Variants in AQP7B observed in about 807,000 individuals in gnomAD.
The protein encoded by AQP7B is putative aquaporin-7B.
At chr2:94,591,610 A>G in the AQP7B span, among the ~76,000 whole-genome samples, 11 of 151,850 alleles carry the variant, frequency 7.2e-5, no homozygotes, top group Non-Finnish European at 1.5e-4. Flanking sequence ...AGACTCCCTA[A>G]TGTGGGCCAT....
At chr2:94,604,603 C>G in the AQP7B span, 1 of 1,528,732 alleles carries the variant, frequency 6.5e-7, no homozygotes, top group South Asian at 1.3e-5. Context: ...CCATCCCTTC[C>G]CCAATAAAGC....
At chr2:94,589,358 G>T in the AQP7B span, among the ~76,000 whole-genome samples, 5 of 152,086 alleles carry the variant, frequency 3.3e-5, no homozygotes, top group East Asian at 9.7e-4. Context: ...GTCCTCTGGT[G>T]ACTATTCCCT....
the AQP7B span, among the ~76,000 whole-genome samples, chr2:94,602,773 G>T: frequency 6.6e-6 from 1 of 152,144 alleles, no homozygotes; most frequent in East Asian, 1.9e-4. Flanking sequence ...CCTATGACTT[G>T]TCTGCCCCAG....
the AQP7B span, among the ~76,000 whole-genome samples, chr2:94,592,812 C>CTTTTTT: frequency 3.9e-5 from 2 of 51,706 alleles, no homozygotes; most frequent in African/African-American, 6.8e-5. Context: ...ATTAATTAAG[C>CTTTTTT]TTTTTTTTTT....
At chr2:94,603,259 G>C in the AQP7B span, 4 of 1,387,664 alleles carry the variant, frequency 2.9e-6, no homozygotes, top group Non-Finnish European at 4.0e-6. Flanking sequence ...GTCCTGATTT[G>C]TAAAAAATAG....
the AQP7B span, among the ~76,000 whole-genome samples, chr2:94,599,173 G>T: frequency 1.3e-5 from 2 of 152,068 alleles, no homozygotes. Flanking sequence ...TCTGTTTTCA[G>T]ACCCTCCATG....
chr2:94,604,160 T>C, the AQP7B span: 4 of 979,180 alleles, frequency 4.1e-6, no homozygotes, highest in South Asian at 6.4e-5. Flanking sequence ...ACCAGGGCCC[T>C]GGGTTGGGGG....
chr2:94,591,314 C>A, the AQP7B span, among the ~76,000 whole-genome samples: 1 of 152,182 alleles, frequency 6.6e-6, no homozygotes, highest in Non-Finnish European at 1.5e-5. Flanking sequence ...TCTGCTGTGC[C>A]CCACGCTAGT....
At chr2:94,597,014 C>T in the AQP7B span, among the ~76,000 whole-genome samples, 1 of 152,116 alleles carries the variant, frequency 6.6e-6, no homozygotes, top group Non-Finnish European at 1.5e-5. Context: ...ACTTTAGCTT[C>T]CTTATTGGTT....
chr2:94,598,197 C>A, the AQP7B span, among the ~76,000 whole-genome samples: 1 of 152,070 alleles, frequency 6.6e-6, no homozygotes, highest in Non-Finnish European at 1.5e-5. Flanking sequence ...CCAGGCTGTG[C>A]CAAGAAGTGA....
the AQP7B span, among the ~76,000 whole-genome samples, chr2:94,590,193 C>G: frequency 6.6e-6 from 1 of 151,980 alleles, no homozygotes; most frequent in Non-Finnish European, 1.5e-5. Flanking sequence ...AAAATTTTTT[C>G]TTTTTTTGAG....
the AQP7B span, chr2:94,603,872 G>C: frequency 7.2e-7 from 1 of 1,392,426 alleles, no homozygotes; most frequent in Non-Finnish European, 1.0e-6. Context: ...AATCCATCCC[G>C]GGACCCGCCC....
chr2:94,602,689 C>G, the AQP7B span: 1 of 1,436,974 alleles, frequency 7.0e-7, no homozygotes, highest in Non-Finnish European at 9.6e-7. Context: ...CCCACCTCAG[C>G]CAGCTCCTTT....
the AQP7B span, among the ~76,000 whole-genome samples, chr2:94,595,063 T>C: frequency 6.6e-6 from 1 of 152,048 alleles, no homozygotes; most frequent in Non-Finnish European, 1.5e-5. Context: ...GCTCATAATA[T>C]GTGGGGGTCA....
At chr2:94,604,420 G>C in the AQP7B span, 39 of 1,611,262 alleles carry the variant, frequency 2.4e-5, no homozygotes, top group Non-Finnish European at 1.7e-6. Context: ...ACTCTGTGGC[G>C]TATGAAGACC....
At chr2:94,593,225 AGGC>A in the AQP7B span, among the ~76,000 whole-genome samples, 9 of 151,928 alleles carry the variant, frequency 5.9e-5, no homozygotes, top group African/African-American at 2.2e-4. Flanking sequence ...AGAGGGTAGG[AGGC>A]TCTCCCAGAG....
the AQP7B span, among the ~76,000 whole-genome samples, chr2:94,601,975 C>T: frequency 1.2e-4 from 18 of 151,242 alleles, no homozygotes; most frequent in Non-Finnish European, 1.9e-4. Context: ...GAGGGCAAGA[C>T]AGTTAGGGCC....
chr2:94,590,078 G>A, the AQP7B span, among the ~76,000 whole-genome samples: 1 of 152,166 alleles, frequency 6.6e-6, no homozygotes, highest in Non-Finnish European at 1.5e-5. Context: ...CTCTCTGGTG[G>A]TGTTGCCATT....
chr2:94,594,905 G>A, the AQP7B span: 11 of 1,289,382 alleles, frequency 8.5e-6, no homozygotes, highest in African/African-American at 1.5e-4. Flanking sequence ...AGTGGGTGGG[G>A]CTCCACCAGG....
Sources: gnomAD v4.1 joint callset for allele counts (sites outside exome capture counted in the v4.1 genomes callset) on GRCh38, gnomAD v4.1.1 for gene constraint, MANE v1.5 for transcripts, NCBI Gene and HGNC (gene_info 2026-07-23, HGNC 2026-07-21) for gene names.